GRM5: variants seen among roughly 807,000 people sequenced by gnomAD.
The protein encoded by GRM5 is glutamate metabotropic receptor 5, also known as metabotropic glutamate receptor 5.
In GRM5, 19 loss-of-function variants were observed where a neutral mutation model predicts 83.1. The observed-to-expected ratio is 0.23, with a 90% CI of 0.16 to 0.34. The LOEUF is 0.34. Among genes scored for constraint, GRM5 ranks in the 10% least tolerant of loss-of-function variants. GRM5 has a pLI of 1.00. For synonymous variants in GRM5, 675 were observed against 633.6 expected, an observed-to-expected ratio of 1.07 and a Z score of -0.98; for missense variants, 1,160 against 1,588.3, an observed-to-expected ratio of 0.73 and a Z score of 4.58.
chr11:88,745,180 TTTTTTC>T, intron 3 of GRM5, among the ~76,000 whole-genome samples: 2 of 83,932 alleles, frequency 2.4e-5, no homozygotes, highest in East Asian at 4.5e-4. Flanking sequence ...CTCCTAATTT[TTTTTTC>T]TTTTTATTTT....
At chr11:88,859,632 T>G (rs571027374) in intron 2 of GRM5, among the ~76,000 whole-genome samples, 2 of 152,188 alleles carry the variant, frequency 1.3e-5, no homozygotes, top group African/African-American at 4.8e-5. Flanking sequence ...CAACCCTCAT[T>G]CTGTCAAATT....
At chr11:88,645,204 T>G (rs1939407303) in intron 4 of GRM5, among the ~76,000 whole-genome samples, 1 of 152,062 alleles carries the variant, frequency 6.6e-6, no homozygotes. Flanking sequence ...TGTGAGTAGT[T>G]CCTTGGGGGA....
At position 89,047,877 on chromosome 11, in the gene GRM5, G is replaced by A. The variant is rs1411747940; in HGVS notation, c.-5C>T. On this transcript the variant is annotated 5_prime_UTR_variant, in exon 2 of 10. Coordinates refer to ENST00000305447, the MANE Select transcript of GRM5 (RefSeq NM_001143831.3). The surrounding 1 kb of genome is among the most constrained non-coding windows in gnomAD (Gnocchi z 5.1). The stretch of plus-strand genomic sequence containing the variant: ...CAGGATCAACAGAAGGACCATTTTA[G>A]GAAAGGAGTTCAAGCCAATAAAGAT... The A allele has an allele frequency of 1.9e-6, 3 of 1,611,754 alleles. No homozygotes were observed. Among genetic ancestry groups the A allele is most frequent in the Non-Finnish European group, 2.5e-6 (3 of 1,178,280 alleles).
chr11:88,620,365 T>G (rs1276292377), intron 4 of GRM5, among the ~76,000 whole-genome samples: 1 of 152,158 alleles, frequency 6.6e-6, no homozygotes, highest in Non-Finnish European at 1.5e-5. Flanking sequence ...TACTTCAGAG[T>G]AGAAAATCAG....
At chr11:88,915,049 A>T (rs1356724804) in intron 2 of GRM5, among the ~76,000 whole-genome samples, 1 of 152,194 alleles carries the variant, frequency 6.6e-6, no homozygotes, top group Non-Finnish European at 1.5e-5. Flanking sequence ...AAAAACAAAA[A>T]GGTCACATTT....
chr11:88,762,948 A>G lies in GRM5; in HGVS notation c.911+86958T>C, dbSNP rs573694291. On this transcript the variant is annotated intron_variant, in intron 3 of 9. Coordinates refer to ENST00000305447, the MANE Select transcript of GRM5 (RefSeq NM_001143831.3). ...GAAAACCAAATACTGCATGTTCTCA[A>G]TTACAAGTGGGAGCTAACTGATGAG... Among the ~76,000 whole-genome samples, 611 of 152,010 alleles carry G rather than the reference A, an allele frequency of 4.0e-3. 1 individual carries two copies. Among genetic ancestry groups the G allele is most frequent in the Middle Eastern group, 6.8e-3 (2 of 294 alleles).
intron 3 of GRM5, among the ~76,000 whole-genome samples, chr11:88,773,526 C>G (rs1003019413): frequency 1.3e-5 from 2 of 152,144 alleles, no homozygotes; most frequent in Non-Finnish European, 2.9e-5. Context: ...AACCCTTGCC[C>G]ATGCCTATGT....
chr11:88,743,386 T>C (rs1429208003), intron 3 of GRM5, among the ~76,000 whole-genome samples: 1 of 152,138 alleles, frequency 6.6e-6, no homozygotes, highest in East Asian at 1.9e-4. Context: ...GCAGATGATA[T>C]TTTCATAACC....
intron 3 of GRM5, among the ~76,000 whole-genome samples, chr11:88,848,084 A>G (rs1483514219): frequency 6.6e-6 from 1 of 152,148 alleles, no homozygotes; most frequent in Non-Finnish European, 1.5e-5. Context: ...ACTTAAAGCT[A>G]GATTTTTTTT....
Position 88,518,141 on chromosome 11 carries a change from TTAA to T in GRM5, c.2726+7165_2726+7167del, listed in dbSNP as rs746415847. ...AGGCTAAGAAAAGAGACTGTTCAAT[TTAA>T]TAATATAAAAAATAGAATATGTTCA... is the stretch of plus-strand genomic sequence containing the variant. On this transcript the variant is annotated intron_variant, in intron 9 of 9. Transcript: ENST00000305447. 4.6e-5 allele frequency among the ~76,000 whole-genome samples: 7 copies of T among 152,008 alleles called. No homozygotes were observed. In the East Asian group the frequency reaches 1.3e-3, roughly 29 times the overall value.
intron 2 of GRM5, among the ~76,000 whole-genome samples, chr11:88,986,611 G>C (rs1012671664): frequency 2.0e-5 from 3 of 147,606 alleles, no homozygotes; most frequent in African/African-American, 8.0e-5. Flanking sequence ...ACCCTTCCTA[G>C]ATATGTGGTT....
chr11:88,739,020 A>C (rs1240798313), intron 3 of GRM5, among the ~76,000 whole-genome samples: 1 of 152,096 alleles, frequency 6.6e-6, no homozygotes, highest in African/African-American at 2.4e-5. Context: ...CCATTAGAAT[A>C]CATTTCTATA....
intron 7 of GRM5, among the ~76,000 whole-genome samples, chr11:88,577,086 T>C (rs941925150): frequency 6.6e-6 from 1 of 152,140 alleles, no homozygotes; most frequent in African/African-American, 2.4e-5. Flanking sequence ...ATATTCCTTC[T>C]GTGTTCCCAT....
chr11:88,892,959 G>A (rs1945171358), intron 2 of GRM5, among the ~76,000 whole-genome samples: 2 of 151,994 alleles, frequency 1.3e-5, no homozygotes, highest in Admixed American at 1.3e-4. Context: ...CTGTATCTTG[G>A]CAGGTAAAAC....
intron 2 of GRM5, among the ~76,000 whole-genome samples, chr11:88,909,570 A>ACG (rs1227559510): frequency 3.6e-5 from 5 of 138,558 alleles, no homozygotes; most frequent in African/African-American, 1.3e-4. Flanking sequence ...ACACACACAC[A>ACG]CATTTTCTAT....
chr11:88,921,598 C>A (rs796611070), intron 2 of GRM5, among the ~76,000 whole-genome samples: 2 of 151,016 alleles, frequency 1.3e-5, no homozygotes, highest in South Asian at 2.1e-4. Context: ...CCACTGCACT[C>A]CAGCCTGGGA....
intron 2 of GRM5, among the ~76,000 whole-genome samples, chr11:88,996,005 A>G (rs532983705): frequency 1.3e-5 from 2 of 152,274 alleles, no homozygotes; most frequent in South Asian, 4.1e-4. Context: ...AAGAAAAGAA[A>G]AAAAAAAGAA....
intron 8 of GRM5, among the ~76,000 whole-genome samples, chr11:88,557,207 A>G (rs1942650636): frequency 6.6e-6 from 1 of 152,078 alleles, no homozygotes. Context: ...ATAGGCGATG[A>G]TAGTTTCTAT....
intron 2 of GRM5, among the ~76,000 whole-genome samples, chr11:88,918,370 A>G (rs1413026057): frequency 6.6e-6 from 1 of 152,038 alleles, no homozygotes; most frequent in Non-Finnish European, 1.5e-5. Context: ...AGCATGGCAC[A>G]TGTATACATA....
Sources: allele counts gnomAD v4.1 joint callset (sites outside exome capture counted in the v4.1 genomes callset), GRCh38; gene constraint gnomAD v4.1.1; non-coding constraint Gnocchi (gnomAD v3.1); transcripts MANE v1.5; gene names NCBI Gene and HGNC (gene_info 2026-07-23, HGNC 2026-07-21).